Variants in MMP16 observed in about 807,000 individuals in gnomAD.
MMP16 encodes matrix metallopeptidase 16.
A neutral mutation model predicts 67.8 loss-of-function variants in MMP16; 12 were observed. That is an observed-to-expected ratio of 0.18 (90% confidence interval 0.11 to 0.29). The LOEUF is 0.29. Ranked by LOEUF, MMP16 falls within the 10% of genes least tolerant of loss-of-function variation. The probability of loss-of-function intolerance (pLI) is 1.00; values close to 1 mark genes in which losing one functional copy is unlikely to be tolerated. For missense variants in MMP16, 475 were observed against 765.7 expected (o/e 0.62, Z 4.48); for synonymous variants, 249 against 255.9 (o/e 0.97, Z 0.26).
chr8:88,077,126 A>G (rs1456241725), intron 6 of MMP16, among the ~76,000 whole-genome samples: 1 of 152,208 alleles, frequency 6.6e-6, no homozygotes, highest in East Asian at 1.9e-4. Context: ...CTGCAGATGA[A>G]TTCCACTGGT....
At chr8:88,318,354 A>T (rs1352335972) in intron 1 of MMP16, among the ~76,000 whole-genome samples, 1 of 152,202 alleles carries the variant, frequency 6.6e-6, no homozygotes, top group Non-Finnish European at 1.5e-5. Flanking sequence ...AACTATACTG[A>T]GTATCACATA....
At chr8:88,116,332 T>A (rs540849728) in intron 6 of MMP16, among the ~76,000 whole-genome samples, 175 bp downstream of exon 6, 2 of 152,230 alleles carry the variant, frequency 1.3e-5, no homozygotes, top group East Asian at 3.9e-4. Flanking sequence ...GTTACAGCAA[T>A]CTTCTGCTAG....
intron 7 of MMP16, among the ~76,000 whole-genome samples, chr8:88,060,206 G>A (rs1808380047): frequency 6.6e-6 from 1 of 152,060 alleles, no homozygotes; most frequent in South Asian, 2.1e-4. Flanking sequence ...AAGTGGTTAG[G>A]TACATCTGAG....
intron 7 of MMP16, among the ~76,000 whole-genome samples, chr8:88,072,344 A>T (rs1055730393): frequency 1.1e-4 from 17 of 152,158 alleles, no homozygotes; most frequent in African/African-American, 3.6e-4. Context: ...GAAGAGTGTG[A>T]TCTCACTGGG....
At chr8:88,269,953 A>G (rs562287152) in intron 1 of MMP16, among the ~76,000 whole-genome samples, 1 of 152,322 alleles carries the variant, frequency 6.6e-6, no homozygotes, top group African/African-American at 2.4e-5. Flanking sequence ...TCAGGCATAA[A>G]AAGTATTTAC....
At chr8:88,059,634 GA>G (rs1403746998) in intron 7 of MMP16, among the ~76,000 whole-genome samples, 1 of 151,938 alleles carries the variant, frequency 6.6e-6, no homozygotes, top group African/African-American at 2.4e-5. Context: ...ACTGTCCTTT[GA>G]AGGCTGTTCT....
intron 1 of MMP16, among the ~76,000 whole-genome samples, chr8:88,227,905 TA>T (rs1267682034): frequency 6.6e-6 from 1 of 152,030 alleles, no homozygotes; most frequent in African/African-American, 2.4e-5. Flanking sequence ...TAAAAAAATA[TA>T]TTTAATAGAC....
At chr8:88,177,887 GC>G (rs2129729820) in intron 3 of MMP16, among the ~76,000 whole-genome samples, 1 of 151,504 alleles carries the variant, frequency 6.6e-6, no homozygotes, top group East Asian at 1.9e-4. Flanking sequence ...AACCAACAGG[GC>G]TCCACTATAT....
chr8:88,250,310 G>T (rs1417400942), intron 1 of MMP16, among the ~76,000 whole-genome samples: 2 of 151,972 alleles, frequency 1.3e-5, no homozygotes, highest in Non-Finnish European at 2.9e-5. Context: ...GGTGGGCACA[G>T]GAATCATGTC....
intron 4 of MMP16, among the ~76,000 whole-genome samples, chr8:88,138,413 A>T (rs1267964296): frequency 6.6e-6 from 1 of 151,992 alleles, no homozygotes; most frequent in African/African-American, 2.4e-5. Flanking sequence ...AGCCAACTGA[A>T]GACTATTTTG....
chr8:88,141,113 C>T (rs1200018140), intron 4 of MMP16, among the ~76,000 whole-genome samples: 2 of 152,124 alleles, frequency 1.3e-5, no homozygotes, highest in African/African-American at 4.8e-5. Context: ...GGGAGACAGC[C>T]TCCTTATAAT....
chr8:88,192,256 T>C (rs1809180435), intron 2 of MMP16, among the ~76,000 whole-genome samples: 1 of 152,190 alleles, frequency 6.6e-6, no homozygotes. Flanking sequence ...GGCTGACAGC[T>C]CATTCCAGTC....
chr8:88,209,316 C>G (rs964262338), intron 1 of MMP16, among the ~76,000 whole-genome samples: 1 of 152,060 alleles, frequency 6.6e-6, no homozygotes, highest in Non-Finnish European at 1.5e-5. Flanking sequence ...GGACGAAGAC[C>G]TTTATGATGA....
intron 6 of MMP16, among the ~76,000 whole-genome samples, chr8:88,105,457 C>T (rs1287839922): frequency 6.6e-6 from 1 of 151,450 alleles, no homozygotes; most frequent in African/African-American, 2.4e-5. Flanking sequence ...TTCATACTAT[C>T]TACAGTTTCT....
At chr8:88,149,621 G>C (rs986763232) in intron 4 of MMP16, among the ~76,000 whole-genome samples, 1 of 151,372 alleles carries the variant, frequency 6.6e-6, no homozygotes, top group African/African-American at 2.4e-5. Context: ...CACACGGCAG[G>C]GTATTCCAAC....
Position 88,116,546 on chromosome 8 carries a change from G to A in MMP16, c.1044C>T (p.Asn348=). The change falls in exon 6 of 10, where the codon AAC becomes AAT. Residue 348 remains asparagine (N), a synonymous_variant. Transcript: ENST00000286614. ...AKPNICDGNF[N]TLAILRREMF... is the part of the protein sequence containing the mutation. ...TCTCACGACGAAGAATAGCTAGAGTGTTAAAGTTCCCATCACAGATGTTGG... is the reference window on the plus strand; with the variant it reads ...TCTCACGACGAAGAATAGCTAGAGTATTAAAGTTCCCATCACAGATGTTGG... 3.7e-6 allele frequency: 6 copies of A among 1,613,690 alleles called. No homozygotes were observed. Among genetic ancestry groups the A allele is most frequent in the Non-Finnish European group, 4.2e-6 (5 of 1,179,830 alleles).
At chr8:88,173,341 C>T (rs1370936773) in intron 3 of MMP16, among the ~76,000 whole-genome samples, 2 of 152,060 alleles carry the variant, frequency 1.3e-5, no homozygotes, top group African/African-American at 2.4e-5. Flanking sequence ...TGTGAGCCAC[C>T]GGTCCCGGCT....
chr8:88,286,761 G>C (rs2130007113), intron 1 of MMP16, among the ~76,000 whole-genome samples: 1 of 151,882 alleles, frequency 6.6e-6, no homozygotes, highest in Non-Finnish European at 1.5e-5. Flanking sequence ...ATTTTTAGTA[G>C]AGATGGGGTT....
chr8:88,234,772 T>C (rs1809914897), intron 1 of MMP16, among the ~76,000 whole-genome samples: 3 of 152,250 alleles, frequency 2.0e-5, no homozygotes, highest in Admixed American at 2.0e-4. Context: ...GGAAGAAAGA[T>C]GTCAAGTGGC....
Sources: gnomAD v4.1 joint callset for allele counts (sites outside exome capture counted in the v4.1 genomes callset) on GRCh38, gnomAD v4.1.1 for gene constraint, MANE v1.5 for transcripts, NCBI Gene and HGNC (gene_info 2026-07-23, HGNC 2026-07-21) for gene names.